VMP1: variants seen among roughly 807,000 people sequenced by gnomAD.
The protein encoded by VMP1 is vacuole membrane protein 1.
VMP1 carries 11 observed loss-of-function variants against 56.0 expected under a neutral mutation model. That is an observed-to-expected ratio of 0.20 (90% CI 0.12 to 0.32). The LOEUF is 0.32. VMP1 is among the 10% of genes least tolerant of loss of function. The pLI, the probability that VMP1 is intolerant of heterozygous loss-of-function variation, is 1.00. For missense variants in VMP1, 296 were observed against 490.3 expected (o/e 0.60, Z 3.74); for synonymous variants, 149 against 165.0 (o/e 0.90, Z 0.74).
chr17:59,790,980 C>T (rs894784665), intron 7 of VMP1, among the ~76,000 whole-genome samples: 2 of 152,022 alleles, frequency 1.3e-5, no homozygotes, highest in Admixed American at 6.6e-5. Context: ...ATTGTTTTTT[C>T]CATGGATCTT....
intron 10 of VMP1, among the ~76,000 whole-genome samples, chr17:59,835,675 A>G: frequency 6.7e-6 from 1 of 150,326 alleles, no homozygotes; most frequent in East Asian, 1.9e-4. Flanking sequence ...TTTTTAGTAG[A>G]GACGGGTTTT....
chr17:59,800,178 A>G (rs1408644662), intron 7 of VMP1, among the ~76,000 whole-genome samples: 4 of 152,220 alleles, frequency 2.6e-5, no homozygotes. Flanking sequence ...ATTTGAAGTT[A>G]TAACTGCATT....
rs183459577 is a variant in VMP1 at position 59,797,753 on chromosome 17, C to G, written c.715-11043C>G. On this transcript the variant is annotated intron_variant, in intron 7 of 11. Transcript: ENST00000262291. ...AATTAGCTGGGTGTGGTGGCATGGG[C>G]CTGTAGTCCCAGCTATTCAGGAGGC... Among the ~76,000 whole-genome samples the G allele has an allele frequency of 4.6e-3, 699 of 152,308 alleles. 3 individuals are homozygous for G. The highest frequency in any genetic ancestry group is 7.7e-3 in the Non-Finnish European group (527 of 68,026).
intron 5 of VMP1, among the ~76,000 whole-genome samples, chr17:59,762,745 G>C (rs1598355861): frequency 6.6e-6 from 1 of 152,056 alleles, no homozygotes; most frequent in Non-Finnish European, 1.5e-5. Context: ...GACTTCTTTA[G>C]AAGAAAGAAT....
chr17:59,839,784 C>T lies in VMP1; in HGVS notation c.1094C>T (p.Ser365Phe). 6.2e-7 allele frequency: 1 copy of T among 1,612,286 alleles called. No homozygotes were observed. Among genetic ancestry groups the T allele is most frequent in the Non-Finnish European group, 8.5e-7 (1 of 1,179,650 alleles). The change falls in exon 12 of 12, where the codon TCC (serine) becomes TTC (phenylalanine). Residue 365 changes from serine to phenylalanine, a missense_variant. Coordinates refer to ENST00000262291, the MANE Select transcript of VMP1 (RefSeq NM_030938.5). ...TTTCTACAGGGAGAAAACTGGTTGT[C>T]CTGGATGTTTGAAAAGTTGGTCGTT... is the stretch of plus-strand genomic sequence containing the variant. ...MGTPQGENWLSWMFEKLVVVM... is the reference protein window; with the variant it reads ...MGTPQGENWLFWMFEKLVVVM...
In VMP1 at chr17:59,764,482, C is replaced by A. The variant is rs183278454; in HGVS notation, c.415-489C>A. 1.8e-3 allele frequency among the ~76,000 whole-genome samples: 274 copies of A among 152,312 alleles called. 2 individuals carry two copies. Among genetic ancestry groups the A allele is most frequent in the Non-Finnish European group, 2.8e-3 (190 of 68,030 alleles). ...GGGACTACAGGCACATGCCACAATGCATGGCTAATTTTTTAAATTTTTGTA... is the reference window on the plus strand; with the variant it reads ...GGGACTACAGGCACATGCCACAATGAATGGCTAATTTTTTAAATTTTTGTA... On this transcript the variant is annotated intron_variant, in intron 5 of 11. Transcript: ENST00000262291.
intron 10 of VMP1, among the ~76,000 whole-genome samples, chr17:59,834,720 G>A (rs2038925268): frequency 6.6e-6 from 1 of 152,056 alleles, no homozygotes; most frequent in Admixed American, 6.6e-5. Context: ...CATCTCCTGG[G>A]TTCAAGTGAT....
At chr17:59,820,689 T>C (rs889717623) in intron 10 of VMP1, among the ~76,000 whole-genome samples, 15 of 152,224 alleles carry the variant, frequency 9.9e-5, no homozygotes, top group Non-Finnish European at 7.3e-5. Context: ...TGTTAACCTG[T>C]AAGCTTCTCA....
intron 7 of VMP1, among the ~76,000 whole-genome samples, chr17:59,790,525 C>A (rs879266883): frequency 2.6e-5 from 4 of 152,198 alleles, no homozygotes; most frequent in Admixed American, 2.6e-4. Context: ...CGTGGTGGCT[C>A]ATGCCTGTAA....
At chr17:59,721,988 T>C (rs543852045) in intron 1 of VMP1, among the ~76,000 whole-genome samples, 1 of 152,338 alleles carries the variant, frequency 6.6e-6, no homozygotes, top group African/African-American at 2.4e-5. Context: ...TCTGTGTCCT[T>C]ACATAGTCTT....
chr17:59,727,204 C>T (rs1433605552), intron 1 of VMP1, among the ~76,000 whole-genome samples: 2 of 151,800 alleles, frequency 1.3e-5, no homozygotes, highest in Non-Finnish European at 2.9e-5. Context: ...GCGCGATCTC[C>T]GCTTACCACA....
chr17:59,744,812 C>T (rs191252696), intron 5 of VMP1, among the ~76,000 whole-genome samples: 21 of 151,740 alleles, frequency 1.4e-4, no homozygotes, highest in Middle Eastern at 3.4e-3. Flanking sequence ...GTTCTTAGAC[C>T]TTTTTGATCC....
intron 10 of VMP1, among the ~76,000 whole-genome samples, chr17:59,837,353 A>G (rs1311622394): frequency 6.6e-6 from 1 of 152,196 alleles, no homozygotes; most frequent in East Asian, 1.9e-4. Context: ...TGTAACAGGT[A>G]AGAAACTAAA....
intron 1 of VMP1, among the ~76,000 whole-genome samples, chr17:59,727,581 C>T (rs1240070776): frequency 1.3e-5 from 2 of 152,258 alleles, no homozygotes; most frequent in East Asian, 3.9e-4. Context: ...CAGGGACCTC[C>T]TTATCCTATT....
At chr17:59,827,383 C>G (rs34130073) in intron 10 of VMP1, among the ~76,000 whole-genome samples, 20,626 of 151,746 alleles carry the variant, frequency 0.14, 1,588 homozygotes, top group Middle Eastern at 0.18. Context: ...GTGGCGTGAT[C>G]TCAGCTCACT....
At chr17:59,790,701 G>A (rs2037193925) in intron 7 of VMP1, among the ~76,000 whole-genome samples, 1 of 152,148 alleles carries the variant, frequency 6.6e-6, no homozygotes, top group Admixed American at 6.5e-5. Flanking sequence ...TGAGGCAGGA[G>A]AATCACTTGA....
At chr17:59,825,171 C>G (rs1374274729) in intron 10 of VMP1, among the ~76,000 whole-genome samples, 1 of 144,224 alleles carries the variant, frequency 6.9e-6, no homozygotes, top group Non-Finnish European at 1.5e-5. Context: ...ACTGCAACCT[C>G]TGCCTCCTGT....
Position 59,840,824 on chromosome 17 carries a change from GAGGAGAAATATCTCATACAAGTGAA to G in VMP1, c.*918_*942del. The G allele has an allele frequency of 6.6e-6, 1 of 152,500 alleles. No homozygotes were observed. The highest frequency in any genetic ancestry group is 1.5e-5 in the Non-Finnish European group (1 of 68,310). 9.4% of individuals were successfully genotyped at this position (152,500 alleles called of 1,614,324 possible). A position where few individuals can be genotyped will look rare whatever the true frequency, so the allele number is the denominator to read the frequency against. On this transcript the variant is annotated 3_prime_UTR_variant, in exon 12 of 12. Transcript: ENST00000262291. Reference sequence around the variant, plus strand: ...GATTTCTTGGTTTGTGAAAACAGGAGAGGAGAAATATCTCATACAAGTGAAAGGATACTGGAGAGAGAAATTACCC... The same window carrying G: ...GATTTCTTGGTTTGTGAAAACAGGAGAGGATACTGGAGAGAGAAATTACCC...
chr17:59,758,594 T>G (rs1206990646), intron 5 of VMP1, among the ~76,000 whole-genome samples: 1 of 150,232 alleles, frequency 6.7e-6, no homozygotes, highest in Non-Finnish European at 1.5e-5. Context: ...GGAGGCCTTG[T>G]TGGGAGAATC....
Sources: allele counts gnomAD v4.1 joint callset (sites outside exome capture counted in the v4.1 genomes callset), GRCh38; gene constraint gnomAD v4.1.1; transcripts MANE v1.5; gene names NCBI Gene and HGNC (gene_info 2026-07-23, HGNC 2026-07-21).